DNAJC3: variants seen among roughly 807,000 people sequenced by gnomAD.
DNAJC3 encodes the protein DnaJ heat shock protein family (Hsp40) member C3, also known as dnaJ homolog subfamily C member 3.
In DNAJC3, 38 loss-of-function variants were observed where a neutral mutation model predicts 68.6. The observed-to-expected ratio is 0.55, with a 90% confidence interval of 0.43 to 0.73. DNAJC3 has a LOEUF of 0.73. Ranked by LOEUF, DNAJC3 falls within the 30% of genes least tolerant of loss-of-function variation. The pLI, the probability that DNAJC3 is intolerant of heterozygous loss-of-function variation, is 0.00. For synonymous variants in DNAJC3, 203 were observed against 204.0 expected, an observed-to-expected ratio of 1.00 and a Z score of 0.04; for missense variants, 526 against 591.9, an observed-to-expected ratio of 0.89 and a Z score of 1.16.
At chr13:95,765,000 T>G (rs901616608) in intron 9 of DNAJC3, among the ~76,000 whole-genome samples, 5 of 151,998 alleles carry the variant, frequency 3.3e-5, no homozygotes, top group African/African-American at 1.2e-4. Flanking sequence ...GTCAATCTCT[T>G]TTTCCCTGCT....
At chr13:95,688,681 T>G (rs1270456803) in intron 1 of DNAJC3, among the ~76,000 whole-genome samples, 1 of 152,080 alleles carries the variant, frequency 6.6e-6, no homozygotes, top group African/African-American at 2.4e-5. Flanking sequence ...CCTGGCTACT[T>G]TTTTGCAGAG....
intron 9 of DNAJC3, among the ~76,000 whole-genome samples, chr13:95,784,585 C>T (rs1883542626): frequency 6.6e-6 from 1 of 152,164 alleles, no homozygotes; most frequent in Admixed American, 6.5e-5. Context: ...ACCAAAATCC[C>T]AGACTCCCAG....
intron 1 of DNAJC3, among the ~76,000 whole-genome samples, chr13:95,691,299 G>A (rs367707624): frequency 2.0e-5 from 3 of 151,816 alleles, no homozygotes; most frequent in South Asian, 2.1e-4. Flanking sequence ...CTTCTCAGAC[G>A]GGGCACTTGC....
chr13:95,704,851 G>GTGTTTTTTTTTTTTTTTTTTT (rs1555323371), intron 1 of DNAJC3, among the ~76,000 whole-genome samples: 4 of 97,848 alleles, frequency 4.1e-5, no homozygotes, highest in African/African-American at 1.2e-4. Flanking sequence ...GTGTGTGTGT[G>GTGTTTTTTTTTTTTTTTTTTT]TTTTTTTTTT....
intron 4 of DNAJC3, among the ~76,000 whole-genome samples, chr13:95,735,919 T>A (rs939546646): frequency 6.6e-6 from 1 of 152,238 alleles, no homozygotes; most frequent in African/African-American, 2.4e-5. Flanking sequence ...TGAATGGTAA[T>A]GCCTAGGTTT....
At chr13:95,749,873 CTCTG>C (rs1250239856) in intron 4 of DNAJC3, among the ~76,000 whole-genome samples, 1 of 152,166 alleles carries the variant, frequency 6.6e-6, no homozygotes, top group Non-Finnish European at 1.5e-5. Flanking sequence ...CAAGATGAAA[CTCTG>C]TCTGTACTAA....
rs1593980321 is a variant in DNAJC3 at position 95,723,283 on chromosome 13, A to G, written c.235A>G (p.Thr79Ala). The G allele has an allele frequency of 6.2e-7, 1 of 1,611,964 alleles. No individual in the cohort carries two copies. Among genetic ancestry groups the G allele is most frequent in the Non-Finnish European group, 8.5e-7 (1 of 1,178,378 alleles). The change falls in exon 3 of 12, where the codon ACT (threonine) becomes GCT (alanine). Residue 79 changes from threonine (T) to alanine (A), a missense_variant. Thr to Ala is a moderately conservative substitution (Grantham distance 58, BLOSUM62 0). Coordinates refer to ENST00000602402, the MANE Select transcript of DNAJC3 (RefSeq NM_006260.5). ...DNYIAYYRRATVFLAMGKSKA... is the reference protein window; with the variant it reads ...DNYIAYYRRAAVFLAMGKSKA... ...CTATATTGCTTATTATCGGAGGGCT[A>G]CTGTCTTTTTAGCTATGGGCAAATC...
chr13:95,768,689 T>C (rs960613957), intron 9 of DNAJC3, among the ~76,000 whole-genome samples: 13 of 152,042 alleles, frequency 8.6e-5, no homozygotes, highest in African/African-American at 3.1e-4. Flanking sequence ...TCAAAATTTA[T>C]ACCGGCCAGG....
chr13:95,702,002 T>C (rs1386858795), intron 1 of DNAJC3, among the ~76,000 whole-genome samples: 1 of 152,230 alleles, frequency 6.6e-6, no homozygotes, highest in Non-Finnish European at 1.5e-5. Context: ...CATATGCATC[T>C]GGACATTTCT....
At chr13:95,691,236 G>C (rs1880248139) in intron 1 of DNAJC3, among the ~76,000 whole-genome samples, 1 of 151,874 alleles carries the variant, frequency 6.6e-6, no homozygotes. Flanking sequence ...CTGCCGGGCG[G>C]AGACGCTCCT....
rs745930127 is a variant in DNAJC3 at position 95,787,001 on chromosome 13, C to T, written c.1209-6C>T. ...ACTAATGATTATTTATTTTACCACCCCTCAGAAATGCCAAAAAGCAAGAAA... is the reference window on the plus strand; with the variant it reads ...ACTAATGATTATTTATTTTACCACCTCTCAGAAATGCCAAAAAGCAAGAAA... On this transcript the variant is annotated splice_polypyrimidine_tract_variant and splice_region_variant and intron_variant, in intron 10 of 11. Transcript: ENST00000602402. 1.2e-6 allele frequency: 2 copies of T among 1,604,134 alleles called. No homozygotes were observed. The highest frequency in any genetic ancestry group is 1.1e-5 in the South Asian group (1 of 88,454).
At chr13:95,758,875 AT>A (rs1377505682) in intron 5 of DNAJC3, among the ~76,000 whole-genome samples, 2 of 152,186 alleles carry the variant, frequency 1.3e-5, no homozygotes, top group Admixed American at 1.3e-4. Context: ...TTTGTTGATA[AT>A]TTTACAGAAG....
At chr13:95,714,694 T>A (rs1365262137) in intron 2 of DNAJC3, among the ~76,000 whole-genome samples, 1 of 152,230 alleles carries the variant, frequency 6.6e-6, no homozygotes. Context: ...TGATTCAAAC[T>A]GTCTTCAGTG....
chr13:95,791,078 A>G lies in DNAJC3; in HGVS notation c.*48A>G. On this transcript the variant is annotated 3_prime_UTR_variant, in exon 12 of 12. Coordinates refer to ENST00000602402, the MANE Select transcript of DNAJC3 (RefSeq NM_006260.5). ...TTAATTTTTTTAAAGATTAAAAACA[A>G]AGAAATCTTGTTCCGGGACCCTAAT... The G allele has an allele frequency of 6.3e-7, 1 of 1,593,760 alleles. No individual in the cohort carries two copies. Among genetic ancestry groups the G allele is most frequent in the Non-Finnish European group, 8.5e-7 (1 of 1,171,954 alleles).
At chr13:95,788,991 C>T (rs895515611) in intron 11 of DNAJC3, among the ~76,000 whole-genome samples, 2 of 152,184 alleles carry the variant, frequency 1.3e-5, no homozygotes, top group African/African-American at 4.8e-5. Context: ...TCAGATTAAC[C>T]TCCCAGAATG....
chr13:95,776,718 A>C (rs1391639529), intron 9 of DNAJC3, among the ~76,000 whole-genome samples: 1 of 152,178 alleles, frequency 6.6e-6, no homozygotes, highest in African/African-American at 2.4e-5. Flanking sequence ...GGGAAAATTT[A>C]GTGTACTTCC....
chr13:95,774,195 T>C (rs1883239698), intron 9 of DNAJC3, among the ~76,000 whole-genome samples: 1 of 152,238 alleles, frequency 6.6e-6, no homozygotes, highest in Non-Finnish European at 1.5e-5. Flanking sequence ...TTTCTTTCTT[T>C]TTAAATATAA....
intron 1 of DNAJC3, among the ~76,000 whole-genome samples, chr13:95,690,949 C>T (rs1386179982): frequency 5.7e-5 from 7 of 123,090 alleles, no homozygotes; most frequent in East Asian, 2.7e-4. Flanking sequence ...CCGGACGGGG[C>T]GGCTGGCCGG....
At chr13:95,779,318 G>T (rs536793038) in intron 9 of DNAJC3, among the ~76,000 whole-genome samples, 1 of 151,672 alleles carries the variant, frequency 6.6e-6, no homozygotes, top group South Asian at 2.1e-4. Context: ...TAGAGACGGG[G>T]TTTCACCGTG....
Sources: gnomAD v4.1 joint callset for allele counts (sites outside exome capture counted in the v4.1 genomes callset) on GRCh38, gnomAD v4.1.1 for gene constraint, MANE v1.5 for transcripts, NCBI Gene and HGNC (gene_info 2026-07-23, HGNC 2026-07-21) for gene names.